Variants in TEKT3 observed in about 807,000 individuals in gnomAD.
TEKT3 encodes tektin 3.
A neutral mutation model predicts 49.8 loss-of-function variants in TEKT3; 49 were observed. That is an observed-to-expected ratio of 0.98 (90% confidence interval 0.78 to 1.25). The LOEUF is 1.25. Ranked by LOEUF, TEKT3 falls within the 50% of genes most tolerant of loss-of-function variation. The probability of loss-of-function intolerance (pLI) is 0.00; values close to 1 mark genes in which losing one functional copy is unlikely to be tolerated. For missense variants in TEKT3, 595 were observed against 629.5 expected, an observed-to-expected ratio of 0.95 and a Z score of 0.59; for synonymous variants, 225 against 237.2, an observed-to-expected ratio of 0.95 and a Z score of 0.47.
intron 4 of TEKT3, among the ~76,000 whole-genome samples, chr17:15,327,528 A>G (rs1234928565): frequency 6.6e-6 from 1 of 152,074 alleles, no homozygotes; most frequent in Non-Finnish European, 1.5e-5. Flanking sequence ...AAAAAAAAAA[A>G]AAGTATCTAA....
intron 1 of TEKT3, chr17:15,340,560 T>G (rs1912182956): frequency 6.6e-6 from 1 of 152,100 alleles, no homozygotes; most frequent in Non-Finnish European, 1.5e-5. Flanking sequence ...AAAAAAAGTA[T>G]ACATTGGTTT....
intron 2 of TEKT3, among the ~76,000 whole-genome samples, chr17:15,333,292 G>A (rs1235396026): frequency 6.6e-6 from 1 of 152,152 alleles, no homozygotes; most frequent in Non-Finnish European, 1.5e-5. Context: ...AAATTCTTTA[G>A]TGACTACTTA....
intron 5 of TEKT3, among the ~76,000 whole-genome samples, chr17:15,316,068 G>T (rs997654899): frequency 2.6e-5 from 4 of 152,200 alleles, no homozygotes; most frequent in Admixed American, 2.0e-4. Flanking sequence ...TGCACTTTGT[G>T]AATTCTAAGA....
intron 5 of TEKT3, among the ~76,000 whole-genome samples, chr17:15,318,545 T>C (rs572657807): frequency 3.9e-5 from 6 of 152,224 alleles, no homozygotes; most frequent in African/African-American, 1.4e-4. Flanking sequence ...TAAAAATATA[T>C]TTTTCTTGAG....
upstream of TEKT3, among the ~76,000 whole-genome samples, chr17:15,342,330 A>C (rs1200843070): frequency 2.0e-5 from 3 of 152,242 alleles, no homozygotes; most frequent in Admixed American, 6.5e-5. Flanking sequence ...CAAATCAGTC[A>C]AACTTCAAGG....
At chr17:15,333,574 T>TG (rs1911862528) in intron 2 of TEKT3, among the ~76,000 whole-genome samples, 1 of 152,084 alleles carries the variant, frequency 6.6e-6, no homozygotes, top group Non-Finnish European at 1.5e-5. Context: ...CATTACTTTT[T>TG]GAAAAAGGAA....
intron 4 of TEKT3, among the ~76,000 whole-genome samples, chr17:15,319,662 C>T (rs1050526340): frequency 1.3e-5 from 2 of 152,158 alleles, no homozygotes; most frequent in Admixed American, 6.5e-5. Context: ...CCCTCCGGTC[C>T]TGCTTGTGTA....
chr17:15,337,409 G>T (rs8073488), intron 2 of TEKT3, among the ~76,000 whole-genome samples: 5,926 of 152,156 alleles, frequency 0.039, 209 homozygotes, highest in African/African-American at 0.09. Context: ...ACAGGAAAAT[G>T]ATACAAATCC....
At chr17:15,342,116 C>T (rs1165337186), upstream of TEKT3, among the ~76,000 whole-genome samples, 2 of 152,218 alleles carry the variant, frequency 1.3e-5, no homozygotes, top group Non-Finnish European at 2.9e-5. Flanking sequence ...TCTCTCTCTT[C>T]AGCAAATATT....
At position 15,333,722 on chromosome 17, in the gene TEKT3, GTTTATTTTAT is replaced by G. The variant is rs58481435; in HGVS notation, c.-29-2118_-29-2109del. On this transcript the variant is annotated intron_variant, in intron 2 of 8. Coordinates refer to ENST00000395930, the MANE Select transcript of TEKT3 (RefSeq NM_031898.3). ...GATGGACCACTCCTACTTGGCTTTG[GTTTATTTTAT>G]TTTATTTTATTTTATTTTATTTTAT... 6.4e-3 allele frequency among the ~76,000 whole-genome samples: 924 copies of G among 144,332 alleles called. 11 individuals carry two copies. Among genetic ancestry groups the G allele is most frequent in the African/African-American group, 0.02 (790 of 39,352 alleles). The allele number at this position is 144,332 out of a possible 152,430, so 94.7% of individuals were successfully genotyped here. A position where few individuals can be genotyped will look rare whatever the true frequency, so the allele number is the denominator to read the frequency against.
At chr17:15,337,724 C>T (rs892590905) in intron 2 of TEKT3, among the ~76,000 whole-genome samples, 5 of 152,148 alleles carry the variant, frequency 3.3e-5, no homozygotes, top group African/African-American at 1.2e-4. Context: ...TGCCTGTAAT[C>T]CCAGCTACTC....
chr17:15,308,882 C>T, intron 7 of TEKT3, 64 bp from the exon 8 acceptor site: 1 of 1,578,946 alleles, frequency 6.3e-7, no homozygotes, highest in Non-Finnish European at 8.7e-7. Flanking sequence ...CCGCCTCCCA[C>T]CTCTTGCCTG....
In TEKT3 at chr17:15,328,058, T is replaced by C. The variant is rs1217206219; in HGVS notation, c.597A>G (p.Leu199=). The change falls in exon 4 of 9, where the codon CTA becomes CTG. Residue 199 remains leucine, a synonymous_variant. Coordinates refer to ENST00000395930, the MANE Select transcript of TEKT3 (RefSeq NM_031898.3). ...EAPLQVAREC[L]FHREKRMGID... is the part of the protein sequence containing the mutation. The stretch of plus-strand genomic sequence containing the variant: ...TTCCCATTCTCTTTTCTCGATGAAA[T>C]AGACATTCTCGGGCTACCTACAGAT... 1.2e-6 allele frequency: 2 copies of C among 1,614,030 alleles called. No individual in the cohort carries two copies. The highest frequency in any genetic ancestry group is 2.2e-5 in the East Asian group (1 of 44,860).
intron 4 of TEKT3, among the ~76,000 whole-genome samples, chr17:15,321,973 G>C (rs1168773830): frequency 2.0e-5 from 3 of 152,154 alleles, no homozygotes; most frequent in Non-Finnish European, 2.9e-5. Context: ...ATCACCTCAA[G>C]TGAAAATCCC....
chr17:15,312,448 T>C lies in TEKT3; in HGVS notation c.912A>G (p.Thr304=). The C allele has an allele frequency of 6.2e-7, 1 of 1,614,166 alleles. No homozygotes were observed. The highest frequency in any genetic ancestry group is 8.5e-7 in the Non-Finnish European group (1 of 1,180,028). The change falls in exon 7 of 9, where the codon ACA becomes ACG. Residue 304 remains threonine (T), a synonymous_variant. Coordinates refer to ENST00000395930, the MANE Select transcript of TEKT3 (RefSeq NM_031898.3). ...VSVPESWAKF[T]DDNILRSQSE... ...TCTGGGAGCGGAGAATATTGTCATC[T>C]GTAAATTTGGCCCAGGACTCAGGCA...
intron 3 of TEKT3, 23 bp downstream of exon 3, chr17:15,330,984 T>C: frequency 6.4e-7 from 1 of 1,552,280 alleles, no homozygotes; most frequent in Non-Finnish European, 8.7e-7. Flanking sequence ...AAAAATTCAG[T>C]GTGTTCTATC....
Position 15,304,958 on chromosome 17 carries a change from A to G in TEKT3, c.1257-806T>C, listed in dbSNP as rs138799885. Among the ~76,000 whole-genome samples the G allele has an allele frequency of 4.9e-3, 748 of 152,316 alleles. 8 individuals carry two copies. Among genetic ancestry groups the G allele is most frequent in the African/African-American group, 0.017 (726 of 41,568 alleles). On this transcript the variant is annotated intron_variant, in intron 8 of 8. Transcript: ENST00000395930. The surrounding 1 kb of genome is among the most constrained non-coding windows in gnomAD (Gnocchi z 4.7). ...AAGGACCAAGCCTTTTACGGCACTC[A>G]GGGTCTTGTGATTGTCTGCTTGCAA...
At chr17:15,330,982 AGT>A in intron 3 of TEKT3, 23 bp downstream of exon 3, 1 of 1,549,488 alleles carries the variant, frequency 6.5e-7, no homozygotes, top group Non-Finnish European at 8.7e-7. Context: ...ATAAAAATTC[AGT>A]GTGTTCTATC....
At chr17:15,320,588 C>T (rs548815442) in intron 4 of TEKT3, among the ~76,000 whole-genome samples, 3 of 152,170 alleles carry the variant, frequency 2.0e-5, no homozygotes, top group African/African-American at 7.2e-5. Flanking sequence ...ATTGTTTAAT[C>T]GTTTAGTATA....
Sources: gnomAD v4.1 joint callset for allele counts (sites outside exome capture counted in the v4.1 genomes callset) on GRCh38, gnomAD v4.1.1 for gene constraint, Gnocchi (gnomAD v3.1) non-coding constraint, MANE v1.5 for transcripts, NCBI Gene and HGNC (gene_info 2026-07-23, HGNC 2026-07-21) for gene names.